The following FAM81A variants were observed in gnomAD, a reference collection of about 807,000 sequenced individuals.
FAM81A encodes protein FAM81A.
A neutral mutation model predicts 46.7 loss-of-function variants in FAM81A; 19 were observed. The ratio of observed to expected loss-of-function variants is 0.41; its 90% CI spans 0.28 to 0.60. The LOEUF is 0.60. Among genes scored for constraint, FAM81A ranks in the 20% least tolerant of loss-of-function variants. The pLI, the probability that FAM81A is intolerant of heterozygous loss-of-function variation, is 0.34. For synonymous variants in FAM81A, 183 were observed against 152.9 expected (o/e 1.20, Z -1.45); for missense variants, 377 against 453.5 (o/e 0.83, Z 1.53).
At chr15:59,409,890 A>G (rs2081112959) in intron 2 of FAM81A, among the ~76,000 whole-genome samples, 1 of 152,170 alleles carries the variant, frequency 6.6e-6, no homozygotes, top group African/African-American at 2.4e-5. Context: ...CAGACATTTT[A>G]CTGTATCTGT....
chr15:59,473,252 A>G (rs1442373129), intron 3 of FAM81A, among the ~76,000 whole-genome samples: 1 of 152,198 alleles, frequency 6.6e-6, no homozygotes, highest in African/African-American at 2.4e-5. Flanking sequence ...AAATCCATAA[A>G]TAAGCAATTG....
intron 4 of FAM81A, among the ~76,000 whole-genome samples, chr15:59,497,179 G>A (rs111360646): frequency 0.031 from 4,699 of 151,730 alleles, 91 homozygotes; most frequent in Non-Finnish European, 0.04. Flanking sequence ...TAGGCATGGC[G>A]GCTCACGCCT....
intron 1 of FAM81A, among the ~76,000 whole-genome samples, chr15:59,456,854 G>T (rs2081491359): frequency 6.6e-6 from 1 of 152,170 alleles, no homozygotes; most frequent in South Asian, 2.1e-4. Flanking sequence ...CTCCCAAAGT[G>T]CTGGGATTAC....
intron 3 of FAM81A, among the ~76,000 whole-genome samples, chr15:59,477,143 A>G (rs117937111): frequency 0.094 from 14,292 of 151,584 alleles, 861 homozygotes; most frequent in Admixed American, 0.19. Context: ...GCAAAAACAA[A>G]CAGAAAACAA....
At chr15:59,484,076 G>C (rs1248492523) in intron 3 of FAM81A, among the ~76,000 whole-genome samples, 1 of 152,150 alleles carries the variant, frequency 6.6e-6, no homozygotes, top group Non-Finnish European at 1.5e-5. Context: ...CCTACTTAAG[G>C]CACTCCAGTG....
chr15:59,513,388 C>T (rs1163962895), intron 6 of FAM81A, among the ~76,000 whole-genome samples: 1 of 152,148 alleles, frequency 6.6e-6, no homozygotes, highest in Admixed American at 6.5e-5. Context: ...ACACTGTGTC[C>T]TCTGAGCCAG....
At chr15:59,443,595 G>A (rs1301376824) in intron 1 of FAM81A, among the ~76,000 whole-genome samples, 1 of 152,108 alleles carries the variant, frequency 6.6e-6, no homozygotes, top group East Asian at 1.9e-4. Flanking sequence ...CATGAGTAGT[G>A]GAGTGTGTCC....
chr15:59,473,331 C>T (rs974234340), intron 3 of FAM81A, among the ~76,000 whole-genome samples: 2 of 152,118 alleles, frequency 1.3e-5, no homozygotes, highest in Non-Finnish European at 2.9e-5. Flanking sequence ...CTGGGTGGGA[C>T]GTGAATCACT....
intron 3 of FAM81A, among the ~76,000 whole-genome samples, chr15:59,482,161 T>C (rs1485818572): frequency 2.6e-5 from 4 of 152,236 alleles, no homozygotes; most frequent in Non-Finnish European, 5.9e-5. Context: ...GTGTGTTTTT[T>C]TAAGCCCCTT....
chr15:59,401,728 C>A (rs1419024581), intron 1 of FAM81A: 6 of 774,418 alleles, frequency 7.7e-6, no homozygotes, highest in Non-Finnish European at 1.4e-5. Context: ...CCTCTCTGTC[C>A]AGCAGATAGG....
At chr15:59,511,821 T>G (rs890620522) in intron 6 of FAM81A, among the ~76,000 whole-genome samples, 2 of 152,174 alleles carry the variant, frequency 1.3e-5, no homozygotes, top group East Asian at 3.9e-4. Context: ...CAGCTAATTT[T>G]TGTATTTTTG....
At chr15:59,402,165 C>A in intron 1 of FAM81A, 1 of 229,872 alleles carries the variant, frequency 4.4e-6, no homozygotes, top group Non-Finnish European at 8.4e-6. Context: ...GTAATAAACT[C>A]AAATTTCTAT....
chr15:59,401,018 G>A (rs2081067810), intron 1 of FAM81A, among the ~76,000 whole-genome samples: 1 of 152,172 alleles, frequency 6.6e-6, no homozygotes, highest in African/African-American at 2.4e-5. Context: ...GCAGATAAGA[G>A]GAATGTTTGA....
chr15:59,503,603 C>T (rs1196579949), intron 4 of FAM81A, among the ~76,000 whole-genome samples: 1 of 151,290 alleles, frequency 6.6e-6, no homozygotes, highest in Non-Finnish European at 1.5e-5. Context: ...GACAGAGTCT[C>T]ACTGTGTCAC....
At chr15:59,495,696 C>T (rs1239460460) in intron 4 of FAM81A, among the ~76,000 whole-genome samples, 1 of 152,140 alleles carries the variant, frequency 6.6e-6, no homozygotes, top group Non-Finnish European at 1.5e-5. Context: ...TCTATCTTTT[C>T]GATTATAGCC....
At chr15:59,498,101 T>C (rs1216209726) in intron 4 of FAM81A, among the ~76,000 whole-genome samples, 1 of 152,194 alleles carries the variant, frequency 6.6e-6, no homozygotes, top group East Asian at 1.9e-4. Context: ...CCTCTCACTT[T>C]GGCCTCCCAA....
chr15:59,418,211 A>G (rs1291844292), intron 2 of FAM81A, among the ~76,000 whole-genome samples: 6 of 152,204 alleles, frequency 3.9e-5, no homozygotes, highest in African/African-American at 1.4e-4. Flanking sequence ...GTGCAAGCAC[A>G]TTGAGGGCAC....
chr15:59,439,719 C>A (rs1201033111), intron 1 of FAM81A, among the ~76,000 whole-genome samples: 3 of 152,140 alleles, frequency 2.0e-5, no homozygotes, highest in African/African-American at 7.2e-5. Context: ...TAATGTGTTA[C>A]ATGTTAGAAA....
chr15:59,519,998 C>T (rs2082310945), intron 8 of FAM81A, among the ~76,000 whole-genome samples: 2 of 152,158 alleles, frequency 1.3e-5, no homozygotes, highest in Admixed American at 6.5e-5. Context: ...CCAAGCTTGT[C>T]CAACCCACAT....
Sources: gnomAD v4.1 joint callset for allele counts (sites outside exome capture counted in the v4.1 genomes callset) on GRCh38, gnomAD v4.1.1 for gene constraint, MANE v1.5 for transcripts, NCBI Gene and HGNC (gene_info 2026-07-23, HGNC 2026-07-21) for gene names.